The following CELF2 variants were observed in gnomAD, a reference collection of about 807,000 sequenced individuals.
The protein encoded by CELF2 is CUG triplet repeat RNA-binding protein 2.
Under a neutral mutation model 62.6 loss-of-function variants are expected in CELF2, and 8 were observed. That is an observed-to-expected ratio of 0.13 (90% CI 0.07 to 0.23). The LOEUF (loss-of-function observed/expected upper bound fraction) is 0.23, where lower values mean the gene tolerates loss of function less well. Among genes scored for constraint, CELF2 ranks in the 10% least tolerant of loss-of-function variants. The pLI is 1.00. For synonymous variants in CELF2, 258 were observed against 250.0 expected, an observed-to-expected ratio of 1.03 and a Z score of -0.30; for missense variants, 333 against 671.0, an observed-to-expected ratio of 0.50 and a Z score of 5.56.
At chr10:11,248,518 T>C (rs914224927) in intron 3 of CELF2, among the ~76,000 whole-genome samples, 46 of 152,326 alleles carry the variant, frequency 3.0e-4, no homozygotes, top group African/African-American at 1.0e-3. Context: ...TAATAAAAAT[T>C]ATATACTGAT....
chr10:10,906,057 C>A (rs1457384179), intron 1 of CELF2, among the ~76,000 whole-genome samples: 1 of 151,844 alleles, frequency 6.6e-6, no homozygotes, highest in Non-Finnish European at 1.5e-5. Flanking sequence ...GGCGATAGAG[C>A]CAGATTCTGT....
Position 11,011,036 on chromosome 10 carries a change from T to C in CELF2, c.53+5596T>C, listed in dbSNP as rs1451458811. On this transcript the variant is annotated intron_variant, in intron 1 of 12. Coordinates refer to the CELF2 transcript ENST00000416382. This position sits in a 1 kb window ranked among gnomAD's most constrained non-coding sequence, Gnocchi z 4.6. ...CAATGTAGATTCTAACAACTCTCTC[T>C]TCTGTACCCTCATTTGTTCACCTTA... The C allele has an allele frequency of 6.6e-6, 1 of 152,232 alleles. No individual in the cohort carries two copies. Among genetic ancestry groups the C allele is most frequent in the East Asian group, 1.9e-4 (1 of 5,200 alleles). The allele number at this position is 152,232 out of a possible 1,614,324, so 9.4% of individuals were successfully genotyped here.
rs925826260 is a variant in CELF2 at position 10,934,331 on chromosome 10, G to A, written c.89+14332G>A. Among the ~76,000 whole-genome samples, 15 of 152,142 alleles carry A rather than the reference G, an allele frequency of 9.9e-5. No individual in the cohort carries two copies. The highest frequency in any genetic ancestry group is 1.9e-4 in the African/African-American group (8 of 41,428). On this transcript the variant is annotated intron_variant, in intron 2 of 13. Transcript: ENST00000636488. This position sits in a 1 kb window ranked among gnomAD's most constrained non-coding sequence, Gnocchi z 4.4. Reference sequence around the variant, plus strand: ...CTCGAGGAGTGGCCCCAAGTCTACCGTGCTCACCTTTCTATCCTCAACACC... The same window carrying A: ...CTCGAGGAGTGGCCCCAAGTCTACCATGCTCACCTTTCTATCCTCAACACC...
At chr10:10,476,486 G>A in the CELF2 span, among the ~76,000 whole-genome samples, 768 of 152,272 alleles carry the variant, frequency 5.0e-3, 9 homozygotes, top group African/African-American at 0.018. Flanking sequence ...AGGTATCAAA[G>A]TAATGCCATC....
At chr10:10,800,277 T>G (rs890387337) in intron 1 of CELF2, among the ~76,000 whole-genome samples, 1 of 152,242 alleles carries the variant, frequency 6.6e-6, no homozygotes, top group Non-Finnish European at 1.5e-5. Context: ...AGCTAACATA[T>G]CAAACGTGTT....
At chr10:10,773,801 C>CT in the CELF2 span, among the ~76,000 whole-genome samples, 3 of 152,192 alleles carry the variant, frequency 2.0e-5, no homozygotes, top group Non-Finnish European at 2.9e-5. Flanking sequence ...ACTGTTCTCC[C>CT]TCCTCTTCCT....
chr10:10,719,161 C>T, the CELF2 span, among the ~76,000 whole-genome samples: 3 of 151,760 alleles, frequency 2.0e-5, no homozygotes, highest in Non-Finnish European at 4.4e-5. Context: ...GATTTCACCA[C>T]GTTGGCTAGG....
At chr10:10,601,835 C>A in the CELF2 span, among the ~76,000 whole-genome samples, 1 of 151,882 alleles carries the variant, frequency 6.6e-6, no homozygotes, top group Non-Finnish European at 1.5e-5. Flanking sequence ...CAACAAATCA[C>A]CCAGGTATTA....
At chr10:10,489,491 T>C in the CELF2 span, among the ~76,000 whole-genome samples, 14,567 of 152,168 alleles carry the variant, frequency 0.096, 951 homozygotes, top group East Asian at 0.28. Flanking sequence ...CATTTCTTAG[T>C]GTTATTTAAT....
rs112079154 is a variant in CELF2 at position 10,939,106 on chromosome 10, C to T, written c.89+19107C>T. Among the ~76,000 whole-genome samples, 675 of 146,150 alleles carry T rather than the reference C, an allele frequency of 4.6e-3. 2 individuals carry two copies. The highest frequency in any genetic ancestry group is 0.018 in the African/African-American group (653 of 36,860). ...AGTGTGGCCGCTATTGTAACCCCAT[C>T]ACCTAGGCTGTAGTGCTTGATAATT... On this transcript the variant is annotated intron_variant, in intron 2 of 13. Coordinates refer to the CELF2 transcript ENST00000636488.
rs1375161717 is a variant in CELF2 at position 11,207,456 on chromosome 10, C to T, written c.272-9969C>T. Among the ~76,000 whole-genome samples, 2 of 152,206 alleles carry T rather than the reference C, an allele frequency of 1.3e-5. No individual in the cohort carries two copies. The highest frequency in any genetic ancestry group is 2.9e-5 in the Non-Finnish European group (2 of 68,032). ...AGTTGGAGGGAAGGTATGGGGTTGCCAGGGACCCCAGTGAGATCATTGTTC... is the reference window on the plus strand; with the variant it reads ...AGTTGGAGGGAAGGTATGGGGTTGCTAGGGACCCCAGTGAGATCATTGTTC... On this transcript the variant is annotated intron_variant, in intron 2 of 12. Coordinates refer to ENST00000633077, the MANE Select transcript of CELF2 (RefSeq NM_001326342.2). This position sits in a 1 kb window ranked among gnomAD's most constrained non-coding sequence, Gnocchi z 4.1.
chr10:11,114,730 T>G (rs531206277), intron 1 of CELF2, among the ~76,000 whole-genome samples: 4 of 152,304 alleles, frequency 2.6e-5, no homozygotes, highest in African/African-American at 7.2e-5. Context: ...TTGAAATGTA[T>G]CCTAACATAT....
At chr10:10,540,848 G>A in the CELF2 span, among the ~76,000 whole-genome samples, 3 of 152,248 alleles carry the variant, frequency 2.0e-5, no homozygotes, top group South Asian at 6.2e-4. Context: ...ACAACTGTAT[G>A]CTAATCCAAA....
the CELF2 span, among the ~76,000 whole-genome samples, chr10:10,730,197 C>T: frequency 1.3e-5 from 2 of 152,280 alleles, no homozygotes; most frequent in East Asian, 3.9e-4. Flanking sequence ...GATCTTTTGG[C>T]TGGGCACAGT....
At chr10:10,643,981 T>C in the CELF2 span, among the ~76,000 whole-genome samples, 1 of 152,200 alleles carries the variant, frequency 6.6e-6, no homozygotes, top group Non-Finnish European at 1.5e-5. Flanking sequence ...TTGGATGTTA[T>C]CACAGCCCTA....
At position 11,242,179 on chromosome 10, in the gene CELF2, G is replaced by A. The variant is rs2074125879; in HGVS notation, c.355-6974G>A. 6.6e-6 allele frequency among the ~76,000 whole-genome samples: 1 copy of A among 152,160 alleles called. No individual in the cohort carries two copies. The highest frequency in any genetic ancestry group is 6.5e-5 in the Admixed American group (1 of 15,286). Reference sequence around the variant, plus strand: ...GGCTGCTCTCTCCAGGGGTCAGGATGGGTTTAATAATGAGATGCGTAACAG... The same window carrying A: ...GGCTGCTCTCTCCAGGGGTCAGGATAGGTTTAATAATGAGATGCGTAACAG... On this transcript the variant is annotated intron_variant, in intron 3 of 12. Coordinates refer to ENST00000633077, the MANE Select transcript of CELF2 (RefSeq NM_001326342.2). This position sits in a 1 kb window ranked among gnomAD's most constrained non-coding sequence, Gnocchi z 4.8.
chr10:10,682,182 G>C, the CELF2 span, among the ~76,000 whole-genome samples: 1 of 152,124 alleles, frequency 6.6e-6, no homozygotes, highest in Non-Finnish European at 1.5e-5. Context: ...AGATGTAGTA[G>C]AAATCAAAAA....
chr10:10,650,837 A>G, the CELF2 span, among the ~76,000 whole-genome samples: 1 of 152,208 alleles, frequency 6.6e-6, no homozygotes, highest in Non-Finnish European at 1.5e-5. Flanking sequence ...GTATGTACCT[A>G]AAAGAAATGA....
At chr10:11,210,672 C>T (rs374783671) in intron 2 of CELF2, among the ~76,000 whole-genome samples, 1 of 152,170 alleles carries the variant, frequency 6.6e-6, no homozygotes, top group Non-Finnish European at 1.5e-5. Context: ...TTGCTTCAGG[C>T]GGGTGGCTGC....
Sources: allele counts gnomAD v4.1 joint callset (sites outside exome capture counted in the v4.1 genomes callset), GRCh38; gene constraint gnomAD v4.1.1; non-coding constraint Gnocchi (gnomAD v3.1); transcripts MANE v1.5; gene names NCBI Gene and HGNC (gene_info 2026-07-23, HGNC 2026-07-21).